The following MAP2 variants were observed in gnomAD, a reference collection of about 807,000 sequenced individuals.
MAP2 encodes the protein microtubule associated protein 2.
Under a neutral mutation model 137.6 loss-of-function variants are expected in MAP2, and 14 were observed. The observed-to-expected ratio is 0.10, with a 90% CI of 0.07 to 0.16. The LOEUF is 0.16. MAP2 is among the 10% of genes least tolerant of loss of function. The probability of loss-of-function intolerance (pLI) is 1.00; values close to 1 mark genes in which losing one functional copy is unlikely to be tolerated. For synonymous variants in MAP2, 786 were observed against 782.3 expected (o/e 1.00, Z -0.08); for missense variants, 2,088 against 2,191.5 (o/e 0.95, Z 0.94).
At chr2:209,621,853 A>G (rs1438844480) in intron 3 of MAP2, among the ~76,000 whole-genome samples, 4 of 152,228 alleles carry the variant, frequency 2.6e-5, no homozygotes, top group Non-Finnish European at 5.9e-5. Flanking sequence ...AGCCAAACAT[A>G]TATGCAGCCT....
chr2:209,516,086 C>T (rs989106935), intron 2 of MAP2, among the ~76,000 whole-genome samples: 39 of 152,146 alleles, frequency 2.6e-4, no homozygotes, highest in African/African-American at 8.9e-4. Context: ...TGAGCCACTG[C>T]ACCTGGCCCG....
In MAP2 at chr2:209,730,816, A is replaced by G. The variant is rs2075690559; in HGVS notation, c.*419A>G. 6.2e-6 allele frequency: 1 copy of G among 161,166 alleles called. No homozygotes were observed. The highest frequency in any genetic ancestry group is 1.4e-5 in the Non-Finnish European group (1 of 73,346). The allele number at this position is 161,166 out of a possible 1,614,324, so 10.0% of individuals were successfully genotyped here. A position where few individuals can be genotyped will look rare whatever the true frequency, so the allele number is the denominator to read the frequency against. ...TGCCCATTGTAACTTATTTCAGGTT[A>G]AATTAAACCAAGGAGTCTGATTGCA... On this transcript the variant is annotated 3_prime_UTR_variant, in exon 16 of 16. Transcript: ENST00000682079.
chr2:209,685,923 T>C (rs1207337487), intron 7 of MAP2, among the ~76,000 whole-genome samples: 1 of 152,222 alleles, frequency 6.6e-6, no homozygotes, highest in Non-Finnish European at 1.5e-5. Context: ...TATAGTCTGC[T>C]GTACCTCCCA....
chr2:209,432,471 G>T (rs562871348), intron 1 of MAP2, among the ~76,000 whole-genome samples: 25 of 152,224 alleles, frequency 1.6e-4, no homozygotes, highest in African/African-American at 5.8e-4. Flanking sequence ...ACAAATACTT[G>T]AAAGCCACGA....
At chr2:209,681,914 T>C (rs894245826) in intron 7 of MAP2, among the ~76,000 whole-genome samples, 1 of 152,146 alleles carries the variant, frequency 6.6e-6, no homozygotes, top group Non-Finnish European at 1.5e-5. Context: ...AAATTTATTT[T>C]AGCAAGGTTT....
At chr2:209,688,521 A>G (rs1267183493) in intron 7 of MAP2, among the ~76,000 whole-genome samples, 2 of 152,204 alleles carry the variant, frequency 1.3e-5, no homozygotes, top group African/African-American at 4.8e-5. Context: ...CATATCATGT[A>G]ATCATCTACA....
chr2:209,554,113 C>G (rs1272717526), intron 2 of MAP2, among the ~76,000 whole-genome samples: 2 of 152,220 alleles, frequency 1.3e-5, no homozygotes, highest in African/African-American at 2.4e-5. Flanking sequence ...CAGAAATATA[C>G]AGTTCTATCT....
intron 1 of MAP2, among the ~76,000 whole-genome samples, chr2:209,456,896 C>G (rs961263330): frequency 6.6e-6 from 1 of 152,138 alleles, no homozygotes; most frequent in Non-Finnish European, 1.5e-5. Flanking sequence ...GTGTCATGGT[C>G]TTTGTTATAG....
intron 4 of MAP2, among the ~76,000 whole-genome samples, chr2:209,638,835 C>A (rs59032380): frequency 0.16 from 23,861 of 151,962 alleles, 2,648 homozygotes; most frequent in African/African-American, 0.31. Context: ...TAATCATCAT[C>A]ATTTTCCTAA....
chr2:209,645,326 A>G (rs1002205788), intron 4 of MAP2, among the ~76,000 whole-genome samples: 1 of 152,192 alleles, frequency 6.6e-6, no homozygotes, highest in Non-Finnish European at 1.5e-5. Flanking sequence ...CAACCAAAAT[A>G]TGTTATTTGG....
chr2:209,496,546 A>G (rs2059776152), intron 1 of MAP2, among the ~76,000 whole-genome samples: 1 of 152,132 alleles, frequency 6.6e-6, no homozygotes, highest in Non-Finnish European at 1.5e-5. Context: ...ATTCCTTTGC[A>G]TATCACGTAA....
chr2:209,720,502 G>A (rs1199652643), intron 13 of MAP2, among the ~76,000 whole-genome samples: 4 of 151,990 alleles, frequency 2.6e-5, no homozygotes, highest in Admixed American at 2.6e-4. Flanking sequence ...AGCCGGACAT[G>A]GTGGCGGGCG....
chr2:209,534,305 A>G (rs2065623211), intron 2 of MAP2, among the ~76,000 whole-genome samples: 1 of 152,234 alleles, frequency 6.6e-6, no homozygotes. Context: ...CAGAGTTAAG[A>G]GAAGTTGATG....
intron 7 of MAP2, among the ~76,000 whole-genome samples, chr2:209,686,767 CT>C (rs1164447233): frequency 3.3e-5 from 5 of 152,078 alleles, no homozygotes; most frequent in African/African-American, 9.7e-5. Context: ...AGAGTAGTTA[CT>C]TTAGCATTTC....
intron 4 of MAP2, among the ~76,000 whole-genome samples, chr2:209,631,371 G>T (rs1373639283): frequency 6.6e-6 from 1 of 152,096 alleles, no homozygotes; most frequent in African/African-American, 2.4e-5. Flanking sequence ...TTATGAGTTT[G>T]GGATGCTTTA....
At chr2:209,622,324 T>C (rs773586611) in intron 3 of MAP2, among the ~76,000 whole-genome samples, 2 of 152,194 alleles carry the variant, frequency 1.3e-5, no homozygotes, top group African/African-American at 2.4e-5. Context: ...CTCAAAATTG[T>C]CTCTAGCCAG....
intron 1 of MAP2, among the ~76,000 whole-genome samples, chr2:209,480,368 A>G (rs564944260): frequency 6.6e-6 from 1 of 152,302 alleles, no homozygotes; most frequent in Non-Finnish European, 1.5e-5. Context: ...CAATAAGGCC[A>G]TTGTACACTT....
At chr2:209,710,981 G>T (rs1376887385) in intron 13 of MAP2, among the ~76,000 whole-genome samples, 2 of 152,066 alleles carry the variant, frequency 1.3e-5, no homozygotes, top group Admixed American at 1.3e-4. Context: ...TACACTACAT[G>T]TTTGGACAAA....
At chr2:209,534,462 G>C (rs1032658105) in intron 2 of MAP2, among the ~76,000 whole-genome samples, 1 of 152,100 alleles carries the variant, frequency 6.6e-6, no homozygotes, top group Admixed American at 6.5e-5. Flanking sequence ...CCTACTGGAG[G>C]AAACTGTTGT....
Sources: allele counts gnomAD v4.1 joint callset (sites outside exome capture counted in the v4.1 genomes callset), GRCh38; gene constraint gnomAD v4.1.1; transcripts MANE v1.5; gene names NCBI Gene and HGNC (gene_info 2026-07-23, HGNC 2026-07-21).